PFKP: variants seen among roughly 807,000 people sequenced by gnomAD.
PFKP encodes the protein phosphofructokinase, platelet.
In PFKP, 101 loss-of-function variants were observed where a neutral mutation model predicts 94.3. The observed-to-expected ratio is 1.07, with a 90% CI of 0.91 to 1.26. The LOEUF is 1.26. Among genes scored for constraint, PFKP ranks in the 50% most tolerant of loss-of-function variants. PFKP has a pLI of 0.00. For synonymous variants in PFKP, 573 were observed against 432.6 expected (o/e 1.32, Z -4.03); for missense variants, 1,145 against 1,103.3 (o/e 1.04, Z -0.53).
At chr10:3,103,161 TC>T (rs2131550225) in intron 4 of PFKP, among the ~76,000 whole-genome samples, 1 of 152,402 alleles carries the variant, frequency 6.6e-6, no homozygotes, top group East Asian at 1.9e-4. Context: ...CGTGTCATTC[TC>T]TGAAGCTGTT....
chr10:3,072,235 T>C (rs1832250601), intron 1 of PFKP, among the ~76,000 whole-genome samples: 1 of 152,230 alleles, frequency 6.6e-6, no homozygotes, highest in African/African-American at 2.4e-5. Context: ...ACTTCAAGAT[T>C]AGAACCTTAA....
intron 14 of PFKP, 34 bp downstream of exon 14, chr10:3,116,880 T>A (rs749625560): frequency 6.7e-7 from 1 of 1,486,448 alleles, no homozygotes; most frequent in Non-Finnish European, 9.4e-7. Context: ...TGACCTGCTT[T>A]TAAGGAAGAA....
intron 8 of PFKP, among the ~76,000 whole-genome samples, chr10:3,108,230 G>C (rs1835831469): frequency 6.6e-6 from 1 of 152,180 alleles, no homozygotes; most frequent in Non-Finnish European, 1.5e-5. Flanking sequence ...TCCAGAGACA[G>C]TCAGTGGCCT....
chr10:3,133,538 C>G (rs865896291), intron 19 of PFKP, among the ~76,000 whole-genome samples: 1 of 152,332 alleles, frequency 6.6e-6, no homozygotes, highest in Middle Eastern at 3.4e-3. Context: ...TCAAGTGATT[C>G]TCCTGCATCA....
chr10:3,121,981 C>G (rs1208803027), intron 16 of PFKP, among the ~76,000 whole-genome samples: 1 of 151,682 alleles, frequency 6.6e-6, no homozygotes, highest in Non-Finnish European at 1.5e-5. Context: ...GCCACCGTGC[C>G]CAGCTAATTT....
intron 2 of PFKP, among the ~76,000 whole-genome samples, chr10:3,096,375 T>C (rs1588448745): frequency 6.6e-6 from 1 of 152,270 alleles, no homozygotes; most frequent in East Asian, 1.9e-4. Flanking sequence ...CCGGTCTCTT[T>C]ATTTACCAAA....
intron 2 of PFKP, among the ~76,000 whole-genome samples, chr10:3,083,767 C>A (rs1833268949): frequency 6.6e-6 from 1 of 152,296 alleles, no homozygotes; most frequent in Admixed American, 6.5e-5. Flanking sequence ...ATCTGCCTCC[C>A]ACATAGCTGG....
At chr10:3,109,834 G>A (rs1351839830) in intron 10 of PFKP, among the ~76,000 whole-genome samples, 15 of 147,164 alleles carry the variant, frequency 1.0e-4, no homozygotes, top group Middle Eastern at 3.4e-3. Flanking sequence ...GGAGGCAGCC[G>A]AGAGAGAGAG....
rs200148092 is a variant in PFKP, at chr10:3,077,468, C to A, written c.113-4920C>A. On this transcript the variant is annotated intron_variant, in intron 1 of 21. Transcript: ENST00000381125. Reference sequence around the variant, plus strand: ...TTTTTAGTAGAGATGGGGTTTCACCCTGTTAGCCAGGATGGTCTCGATCTC... The same window carrying A: ...TTTTTAGTAGAGATGGGGTTTCACCATGTTAGCCAGGATGGTCTCGATCTC... Among the ~76,000 whole-genome samples the A allele has an allele frequency of 1.1e-3, 160 of 151,618 alleles. 1 individual carries two copies. The East Asian group carries it at 0.02, about 19-fold the overall frequency.
chr10:3,125,159 CCT>C lies in PFKP; in HGVS notation c.1684-4659_1684-4658del, dbSNP rs780378245. ...GCCGCCACCAGGAGCTTTGCATCCCCCTGTGTGTGGTGCCGGCCACGATTAGC... is the reference window on the plus strand; with the variant it reads ...GCCGCCACCAGGAGCTTTGCATCCCCGTGTGTGGTGCCGGCCACGATTAGC... On this transcript the variant is annotated intron_variant, in intron 16 of 21. Transcript: ENST00000381125. The C allele has an allele frequency of 1.8e-4, 244 of 1,351,054 alleles. 1 individual carries two copies. In the Admixed American group the frequency reaches 2.5e-3, roughly 14 times the overall value. 83.7% of individuals were successfully genotyped at this position (1,351,054 alleles called of 1,614,324 possible).
chr10:3,084,712 C>CAGGAGAGTCCTCCAGCCCCTCCCA, intron 2 of PFKP, among the ~76,000 whole-genome samples: 1 of 67,602 alleles, frequency 1.5e-5, no homozygotes, highest in Non-Finnish European at 3.7e-5. Flanking sequence ...AGCCCCTCCC[C>CAGGAGAGTCCTCCAGCCCCTCCCA]AGGAGAGTCC....
At chr10:3,084,651 C>A (rs894503701) in intron 2 of PFKP, among the ~76,000 whole-genome samples, 3 of 151,730 alleles carry the variant, frequency 2.0e-5, no homozygotes, top group African/African-American at 7.3e-5. Flanking sequence ...CTGCCCCTTG[C>A]TCAGGGATGT....
chr10:3,121,333 T>C (rs1837380923), intron 16 of PFKP, among the ~76,000 whole-genome samples: 2 of 152,306 alleles, frequency 1.3e-5, no homozygotes, highest in East Asian at 1.9e-4. Flanking sequence ...CTTCGCACTG[T>C]GAATGTGAAG....
chr10:3,129,976 A>T lies in PFKP; in HGVS notation c.1841A>T (p.Asp614Val). 6.3e-7 allele frequency: 1 copy of T among 1,576,924 alleles called. No individual in the cohort carries two copies. The highest frequency in any genetic ancestry group is 8.6e-7 in the Non-Finnish European group (1 of 1,159,022). The change falls in exon 17 of 22, where the codon GAT becomes GTT. Residue 614 changes from aspartate (D) to valine (V), a missense_variant. By Grantham distance (152) the Asp-to-Val change is radical. Transcript: ENST00000381125. ...YIFEEPFDIR[D>V]LQSNVEHLTE... ...TTCGAAGAGCCCTTCGACATCAGGG[A>T]TCTGCAGGTATGTGACGGGGCTGGC...
In PFKP at chr10:3,105,172, G is replaced by C; in HGVS notation, c.665+13G>C. Reference sequence around the variant, plus strand: ...GACGACACTGTGGGTACGTACCTGCGGTGGGTCCGGTGGACGCGGTTCAGG... The same window carrying C: ...GACGACACTGTGGGTACGTACCTGCCGTGGGTCCGGTGGACGCGGTTCAGG... On this transcript the variant is annotated intron_variant, in intron 6 of 21. Transcript: ENST00000381125. 6.2e-7 allele frequency: 1 copy of C among 1,611,954 alleles called. No individual in the cohort carries two copies. Among genetic ancestry groups the C allele is most frequent in the Non-Finnish European group, 8.5e-7 (1 of 1,178,164 alleles).
At chr10:3,110,562 T>C (rs1836095304) in intron 10 of PFKP, among the ~76,000 whole-genome samples, 1 of 152,090 alleles carries the variant, frequency 6.6e-6, no homozygotes, top group African/African-American at 2.4e-5. Flanking sequence ...ACTCCTGTTT[T>C]GTTGCCTCTT....
At chr10:3,105,233 C>T (rs879317526) in intron 6 of PFKP, 74 bp downstream of exon 6, 3 of 1,434,280 alleles carry the variant, frequency 2.1e-6, no homozygotes, top group East Asian at 2.3e-5. Flanking sequence ...TGAGGCTGCA[C>T]CCCACATCCT....
In PFKP at chr10:3,132,632, T is replaced by G. The variant is rs376117939; in HGVS notation, c.1910+191T>G. Among the ~76,000 whole-genome samples, 657 of 152,358 alleles carry G rather than the reference T, an allele frequency of 4.3e-3. 5 individuals carry two copies. The highest frequency in any genetic ancestry group is 0.015 in the African/African-American group (630 of 41,576). On this transcript the variant is annotated intron_variant, in intron 18 of 21. Transcript: ENST00000381125. ...CTTGCCTGCATTTAGACAACTAATATTTTTGCTTTATAGTCTCTTATTCTT... is the reference window on the plus strand; with the variant it reads ...CTTGCCTGCATTTAGACAACTAATAGTTTTGCTTTATAGTCTCTTATTCTT...
At position 3,101,470 on chromosome 10, in the gene PFKP, G is replaced by A; in HGVS notation, c.370G>A (p.Val124Met). Residue 124 changes from valine to methionine, a missense_variant, in exon 4 of 22, where the codon GTG becomes ATG. By Grantham distance (21) the Val-to-Met change is conservative. Coordinates refer to ENST00000381125, the MANE Select transcript of PFKP (RefSeq NM_002627.5). ...GCAGCGCGGCATCACCAACCTGTGT[G>A]TGATCGGCGGGGACGGGAGCCTCAC... The part of the protein sequence containing the change: ...LLQRGITNLC[V>M]IGGDGSLTGA... The A allele has an allele frequency of 6.2e-7, 1 of 1,608,666 alleles. No homozygotes were observed.
Sources: gnomAD v4.1 joint callset for allele counts (sites outside exome capture counted in the v4.1 genomes callset) on GRCh38, gnomAD v4.1.1 for gene constraint, MANE v1.5 for transcripts, NCBI Gene and HGNC (gene_info 2026-07-23, HGNC 2026-07-21) for gene names.